The following MYH9 variants were observed in gnomAD, a reference collection of about 807,000 sequenced individuals.
The protein encoded by MYH9 is myosin-9.
A neutral mutation model predicts 241.9 loss-of-function variants in MYH9; 29 were observed. The observed-to-expected ratio is 0.12, with a 90% CI of 0.09 to 0.16. The LOEUF is 0.16. MYH9 is among the 10% of genes least tolerant of loss of function. The pLI is 1.00. For synonymous variants in MYH9, 1,047 were observed against 1,062.6 expected (o/e 0.99, Z 0.29); for missense variants, 1,803 against 2,595.5 (o/e 0.69, Z 6.63).
intron 14 of MYH9, among the ~76,000 whole-genome samples, chr22:36,311,070 A>G (rs1366790738): frequency 6.6e-6 from 1 of 152,162 alleles, no homozygotes; most frequent in Non-Finnish European, 1.5e-5. Context: ...GAAAGCTCCC[A>G]CATCTCCTCG....
intron 1 of MYH9, among the ~76,000 whole-genome samples, chr22:36,376,048 G>A (rs1413403004): frequency 1.6e-5 from 2 of 126,660 alleles, no homozygotes; most frequent in African/African-American, 2.9e-5. Flanking sequence ...TGCAACCTCC[G>A]CCTCCCAGGT....
intron 24 of MYH9, among the ~76,000 whole-genome samples, 190 bp downstream of exon 24, chr22:36,298,729 A>C (rs532890432): frequency 6.6e-6 from 1 of 152,314 alleles, no homozygotes; most frequent in African/African-American, 2.4e-5. Context: ...AGGTTCCCGC[A>C]GGCACCAGAC....
intron 3 of MYH9, among the ~76,000 whole-genome samples, chr22:36,328,552 G>T (rs1318253236): frequency 6.6e-6 from 1 of 152,234 alleles, no homozygotes; most frequent in Non-Finnish European, 1.5e-5. Flanking sequence ...CACAAAGTAA[G>T]ATCTGCTACT....
chr22:36,286,302 G>A (rs1239433582), intron 35 of MYH9, among the ~76,000 whole-genome samples: 2 of 152,114 alleles, frequency 1.3e-5, no homozygotes, highest in Non-Finnish European at 2.9e-5. Flanking sequence ...CAGCTCTGGA[G>A]GCCACAGGCA....
chr22:36,309,202 G>C, intron 15 of MYH9, 80 bp downstream of exon 15: 1 of 1,220,854 alleles, frequency 8.2e-7, no homozygotes, highest in Non-Finnish European at 1.2e-6. Flanking sequence ...CCCTTGTTTG[G>C]CAGCTCGGCC....
intron 1 of MYH9, among the ~76,000 whole-genome samples, chr22:36,362,393 C>T (rs192740525): frequency 6.6e-6 from 1 of 152,276 alleles, no homozygotes; most frequent in Admixed American, 6.5e-5. Context: ...AGGCACAGAT[C>T]TCATGTGGCA....
intron 1 of MYH9, among the ~76,000 whole-genome samples, chr22:36,377,590 C>A (rs2018188798): frequency 6.6e-6 from 1 of 152,126 alleles, no homozygotes; most frequent in African/African-American, 2.4e-5. Context: ...AAGGGACAGG[C>A]TTGTTGGATA....
intron 2 of MYH9, among the ~76,000 whole-genome samples, chr22:36,346,751 C>T (rs545405409): frequency 5.3e-5 from 8 of 152,244 alleles, no homozygotes; most frequent in African/African-American, 1.7e-4. Context: ...ACTATAGGCA[C>T]GCCACACTAT....
chr22:36,351,263 G>A (rs551420111), intron 1 of MYH9, among the ~76,000 whole-genome samples: 6 of 152,270 alleles, frequency 3.9e-5, no homozygotes, highest in Non-Finnish European at 7.4e-5. Flanking sequence ...CAGCTTCCCC[G>A]GCCGGTGGCT....
At chr22:36,313,451 C>CAAAA (rs57101170) in intron 13 of MYH9, among the ~76,000 whole-genome samples, 7 of 52,910 alleles carry the variant, frequency 1.3e-4, no homozygotes, top group Admixed American at 2.2e-4. Context: ...GACTCCGTCT[C>CAAAA]AAAAAAAAAA....
rs1461414319 is a variant in MYH9, at chr22:36,313,667, T to A, written c.1554+478A>T. Among the ~76,000 whole-genome samples, 3 of 151,870 alleles carry A rather than the reference T, an allele frequency of 2.0e-5. No homozygotes were observed. The East Asian group carries it at 5.8e-4, about 30-fold the overall frequency. ...AAAGCACTGCTGCTTGCTGGTTTTA[T>A]GGGGGGGATGAGCTGAGCTTTGGTA... is the stretch of plus-strand genomic sequence containing the variant. On this transcript the variant is annotated intron_variant, in intron 13 of 40. Transcript: ENST00000216181.
intron 1 of MYH9, among the ~76,000 whole-genome samples, chr22:36,384,605 AAAAAAAATATATAT>A (rs2018313552): frequency 2.6e-5 from 1 of 38,602 alleles, no homozygotes; most frequent in Non-Finnish European, 5.1e-5. Context: ...AAAAAAAAAA[AAAAAAAATATATAT>A]ATATATATAT....
At chr22:36,369,984 G>GT (rs1290019872) in intron 1 of MYH9, among the ~76,000 whole-genome samples, 1 of 152,128 alleles carries the variant, frequency 6.6e-6, no homozygotes, top group Non-Finnish European at 1.5e-5. Context: ...CCTTTGTAAC[G>GT]TGATATAAAA....
chr22:36,296,867 T>G lies in MYH9; in HGVS notation c.3248A>C (p.Glu1083Ala). The change falls in exon 25 of 41, where the codon GAG becomes GCG. Residue 1083 changes from glutamate (E) to alanine (A), a missense_variant. Physicochemically the swap from Glu to Ala is moderately radical, Grantham distance 107 (BLOSUM62 -1). Coordinates refer to ENST00000216181, the MANE Select transcript of MYH9 (RefSeq NM_002473.6). ...CCTGGCCAGGGCGGCCTGGAGCTCC[T>G]CCTCTTTCTTGGCCAGCTGCATCTT... ...ELKMQLAKKE[E>A]ELQAALARVE... 2 of 1,612,454 alleles carry G rather than the reference T, an allele frequency of 1.2e-6. No individual in the cohort carries two copies. The highest frequency in any genetic ancestry group is 1.7e-6 in the Non-Finnish European group (2 of 1,179,460).
At position 36,341,503 on chromosome 22, in the gene MYH9, C is replaced by T; in HGVS notation, c.357G>A (p.Val119=). The T allele has an allele frequency of 6.2e-7, 1 of 1,614,150 alleles. No individual in the cohort carries two copies. Among genetic ancestry groups the T allele is most frequent in the Non-Finnish European group, 8.5e-7 (1 of 1,180,028 alleles). The part of the protein sequence containing the change: ...LIYTYSGLFC[V]VINPYKNLPI... ...GCAGGTTCTTGTAAGGATTGATGACCACACAGAACAGGCCTGAATAGGTCT... is the reference window on the plus strand; with the variant it reads ...GCAGGTTCTTGTAAGGATTGATGACTACACAGAACAGGCCTGAATAGGTCT... The change falls in exon 3 of 41, where the codon GTG becomes GTA. Residue 119 remains valine, a synonymous_variant. Transcript: ENST00000216181.
In MYH9 at chr22:36,289,153, G is replaced by A. The variant is rs1433769117; in HGVS notation, c.4489C>T (p.Arg1497Trp). 3.7e-6 allele frequency: 6 copies of A among 1,613,924 alleles called. No homozygotes were observed. The highest frequency in any genetic ancestry group is 2.2e-5 in the East Asian group (1 of 44,876). The change falls in exon 32 of 41, where the codon CGG (arginine) becomes TGG (tryptophan). Residue 1497 changes from arginine (R) to tryptophan (W), a missense_variant. This residue lies in a region of MYH9 where 876 missense variants were observed against 1,077.8 expected (regional missense o/e 0.81). Transcript: ENST00000216181. ...EAMEQKAELE[R>W]LNKQFRTEME... Reference sequence around the variant, plus strand: ...TCCGTGCGGAACTGCTTGTTGAGCCGCTCCAGCTCCGCCTTCTGCTCCATG... The same window carrying A: ...TCCGTGCGGAACTGCTTGTTGAGCCACTCCAGCTCCGCCTTCTGCTCCATG...
At chr22:36,308,980 G>T in intron 15 of MYH9, 1 of 543,166 alleles carries the variant, frequency 1.8e-6, no homozygotes, top group Non-Finnish European at 2.3e-6. Flanking sequence ...GTAGAGGCGG[G>T]AATGCAACAT....
intron 1 of MYH9, among the ~76,000 whole-genome samples, chr22:36,371,744 T>G (rs1436097711): frequency 3.9e-5 from 6 of 151,908 alleles, no homozygotes; most frequent in Non-Finnish European, 7.4e-5. Flanking sequence ...CATGTTGGCC[T>G]GGCTGGTCTC....
chr22:36,357,261 G>T (rs1191142850), intron 1 of MYH9, among the ~76,000 whole-genome samples: 1 of 152,208 alleles, frequency 6.6e-6, no homozygotes, highest in African/African-American at 2.4e-5. Flanking sequence ...GGTCCTGGAA[G>T]ATGGGTAGAA....
Sources: allele counts gnomAD v4.1 joint callset (sites outside exome capture counted in the v4.1 genomes callset), GRCh38; gene constraint gnomAD v4.1.1; regional missense constraint gnomAD v4.1.1; transcripts MANE v1.5; gene names NCBI Gene and HGNC (gene_info 2026-07-23, HGNC 2026-07-21).